The following ABT1 variants were observed in gnomAD, a reference collection of about 807,000 sequenced individuals.
ABT1 encodes TATA-binding protein-binding protein.
In ABT1, 13 loss-of-function variants were observed where a neutral mutation model predicts 14.0. That is an observed-to-expected ratio of 0.93 (90% CI 0.61 to 1.48). The LOEUF (loss-of-function observed/expected upper bound fraction) is 1.48, where lower values mean the gene tolerates loss of function less well. Among genes scored for constraint, ABT1 ranks in the 40% most tolerant of loss-of-function variants. The pLI is 0.00. For synonymous variants in ABT1, 165 were observed against 144.6 expected, an observed-to-expected ratio of 1.14 and a Z score of -1.01; for missense variants, 430 against 380.0, an observed-to-expected ratio of 1.13 and a Z score of -1.09.
chr6:26,597,250 A>C, intron 1 of ABT1, 27 bp downstream of exon 1: 1 of 1,606,316 alleles, frequency 6.2e-7, no homozygotes, highest in Non-Finnish European at 8.5e-7. Context: ...TGACGGTGAC[A>C]GGAGGAGGTT....
Position 26,597,997 on chromosome 6 carries a change from T to G in ABT1, c.325T>G (p.Trp109Gly). The change falls in exon 2 of 3, where the codon TGG becomes GGG. Residue 109 changes from tryptophan to glycine, a missense_variant. Transcript: ENST00000274849. Reference protein sequence around the residue: ...RSYTKDYTEGWVEFRDKRIAK... With the variant: ...RSYTKDYTEGGVEFRDKRIAK... ...CTACACCAAGGACTACACCGAGGGATGGGTGGAGTTCCGTGACAAGCGCAT... is the reference window on the plus strand; with the variant it reads ...CTACACCAAGGACTACACCGAGGGAGGGGTGGAGTTCCGTGACAAGCGCAT... The G allele has an allele frequency of 6.2e-7, 1 of 1,614,212 alleles. No individual in the cohort carries two copies. The highest frequency in any genetic ancestry group is 8.5e-7 in the Non-Finnish European group (1 of 1,180,038).
rs367868700 is a variant in ABT1, at chr6:26,598,449, C to G, written c.623C>G (p.Ser208Cys). The G allele has an allele frequency of 1.9e-4, 305 of 1,614,074 alleles. No homozygotes were observed. The highest frequency in any genetic ancestry group is 2.2e-4 in the Non-Finnish European group (265 of 1,180,038). The change falls in exon 3 of 3, where the codon TCC becomes TGC. Residue 208 changes from serine to cysteine, a missense_variant. Physicochemically the swap from Ser to Cys is moderately radical, Grantham distance 112. Coordinates refer to ENST00000274849, the MANE Select transcript of ABT1 (RefSeq NM_013375.4). ...ADGDPARPDG[S>C]WTFAQRPTEQ... ...GGGGACCCTGCTCGCCCAGATGGCT[C>G]CTGGACATTTGCCCAGCGTCCTACT...
Position 26,598,635 on chromosome 6 carries a change from G to C in ABT1, c.809G>C (p.Arg270Thr), listed in dbSNP as rs1554144849. ...SESMEGPSLVRDS is the reference protein window; with the variant it reads ...SESMEGPSLVTDS Reference sequence around the variant, plus strand: ...AGCATGGAGGGACCTTCCCTTGTCAGGGACTCCTGAGGGCCTGGGTGGCCC... The same window carrying C: ...AGCATGGAGGGACCTTCCCTTGTCACGGACTCCTGAGGGCCTGGGTGGCCC... Residue 270 changes from arginine to threonine, a missense_variant, in exon 3 of 3, where the codon AGG becomes ACG. Coordinates refer to ENST00000274849, the MANE Select transcript of ABT1 (RefSeq NM_013375.4). The C allele has an allele frequency of 4.5e-6, 7 of 1,560,974 alleles. No homozygotes were observed. Among genetic ancestry groups the C allele is most frequent in the Non-Finnish European group, 6.1e-6 (7 of 1,149,710 alleles).
chr6:26,600,339 TTAG>T lies in ABT1; in HGVS notation c.*1695_*1697del, dbSNP rs1202447204. 2.0e-5 allele frequency: 3 copies of T among 152,256 alleles called. No homozygotes were observed. Among genetic ancestry groups the T allele is most frequent in the African/African-American group, 7.2e-5 (3 of 41,456 alleles). The allele number at this position is 152,256 out of a possible 1,614,324, so 9.4% of individuals were successfully genotyped here. The stretch of plus-strand genomic sequence containing the variant: ...AACTTTCCCTCTAGTTGCTAACAGC[TTAG>T]AAAGTACAGTAGACATACTGGGGTT... On this transcript the variant is annotated 3_prime_UTR_variant, in exon 3 of 3. Transcript: ENST00000274849.
Position 26,599,574 on chromosome 6 carries a change from G to C in ABT1, c.*929G>C, listed in dbSNP as rs541873370. ...CCAGATCATTCCTACAAAGTAAACT[G>C]GGAGAATAATAAGTCTGAAAGAGTG... On this transcript the variant is annotated 3_prime_UTR_variant, in exon 3 of 3. Transcript: ENST00000274849. The C allele has an allele frequency of 6.6e-6, 1 of 152,270 alleles. No homozygotes were observed. Among genetic ancestry groups the C allele is most frequent in the Admixed American group, 6.5e-5 (1 of 15,288 alleles). 9.4% of individuals were successfully genotyped at this position (152,270 alleles called of 1,614,324 possible).
At position 26,598,529 on chromosome 6, in the gene ABT1, C is replaced by T. The variant is rs1554144825; in HGVS notation, c.703C>T (p.Arg235Cys). The change falls in exon 3 of 3, where the codon CGC (arginine) becomes TGC (cysteine). Residue 235 changes from arginine to cysteine, a missense_variant. Coordinates refer to ENST00000274849, the MANE Select transcript of ABT1 (RefSeq NM_013375.4). ...AARPGGRERARLATAQDKARS... is the reference protein window; with the variant it reads ...AARPGGRERACLATAQDKARS... ...ACGGCCAGGGGGACGTGAACGGGCT[C>T]GCCTGGCAACTGCCCAGGACAAGGC... is the stretch of plus-strand genomic sequence containing the variant. 1.9e-6 allele frequency: 3 copies of T among 1,613,698 alleles called. No homozygotes were observed. Among genetic ancestry groups the T allele is most frequent in the Non-Finnish European group, 2.5e-6 (3 of 1,179,798 alleles).
In ABT1 at chr6:26,600,148, C is replaced by A. The variant is rs1554144959; in HGVS notation, c.*1503C>A. 1 of 152,146 alleles carries A rather than the reference C, an allele frequency of 6.6e-6. No individual in the cohort carries two copies. Among genetic ancestry groups the A allele is most frequent in the African/African-American group, 2.4e-5 (1 of 41,426 alleles). 9.4% of individuals were successfully genotyped at this position (152,146 alleles called of 1,614,324 possible). A position where few individuals can be genotyped will look rare whatever the true frequency, so the allele number is the denominator to read the frequency against. ...TTTCGTCTTGTTTCTGTTTTTAATT[C>A]TTGTGGGTTTGTTTCATGTGAATTG... On this transcript the variant is annotated 3_prime_UTR_variant, in exon 3 of 3. Coordinates refer to ENST00000274849, the MANE Select transcript of ABT1 (RefSeq NM_013375.4).
chr6:26,598,798 C>A lies in ABT1; in HGVS notation c.*153C>A, dbSNP rs2113626521. ...AAACATGGAGTTTTGTGGGCTTCCA[C>A]TGTCCCCACTCCGAACTCCTGTATG... On this transcript the variant is annotated 3_prime_UTR_variant, in exon 3 of 3. Transcript: ENST00000274849. The A allele has an allele frequency of 2.0e-6, 2 of 998,088 alleles. No individual in the cohort carries two copies. Among genetic ancestry groups the A allele is most frequent in the Non-Finnish European group, 2.8e-6 (2 of 712,016 alleles). The allele number at this position is 998,088 out of a possible 1,614,324, so 61.8% of individuals were successfully genotyped here.
In ABT1 at chr6:26,597,174, C is replaced by G. The variant is rs1305015800; in HGVS notation, c.192C>G (p.Asn64Lys). Residue 64 changes from asparagine to lysine, a missense_variant, in exon 1 of 3, where the codon AAC (asparagine) becomes AAG (lysine). Asn to Lys is a moderately conservative substitution (Grantham distance 94). Transcript: ENST00000274849. Reference sequence around the variant, plus strand: ...GCTTCCGGCCCCTGCACGTCCGCAACCTTCTCAGCGCCTATGGCGAGGTCG... The same window carrying G: ...GCTTCCGGCCCCTGCACGTCCGCAAGCTTCTCAGCGCCTATGGCGAGGTCG... ...PPRFRPLHVR[N>K]LLSAYGEVGR... 1 of 1,614,272 alleles carries G rather than the reference C, an allele frequency of 6.2e-7. No individual in the cohort carries two copies. Among genetic ancestry groups the G allele is most frequent in the Non-Finnish European group, 8.5e-7 (1 of 1,180,056 alleles).
In ABT1 at chr6:26,597,118, G is replaced by C; in HGVS notation, c.136G>C (p.Gly46Arg). 1 of 1,614,144 alleles carries C rather than the reference G, an allele frequency of 6.2e-7. No homozygotes were observed. Among genetic ancestry groups the C allele is most frequent in the Non-Finnish European group, 8.5e-7 (1 of 1,180,000 alleles). Residue 46 changes from glycine to arginine, a missense_variant, in exon 1 of 3, where the codon GGT becomes CGT. Transcript: ENST00000274849. Reference protein sequence around the residue: ...ACGSKKRVVPGIVYLGHIPPR... With the variant: ...ACGSKKRVVPRIVYLGHIPPR... ...TGGCAGCAAGAAACGGGTAGTGCCA[G>C]GTATTGTGTACCTGGGCCATATCCC...
At position 26,597,072 on chromosome 6, in the gene ABT1, G is replaced by T. The variant is rs573455866; in HGVS notation, c.90G>T (p.Glu30Asp). The change falls in exon 1 of 3, where the codon GAG becomes GAT. Residue 30 changes from glutamate (E) to aspartate (D), a missense_variant. Transcript: ENST00000274849. ...EQTLDAEEEQEESEEAACGSK... is the reference protein window; with the variant it reads ...EQTLDAEEEQDESEEAACGSK... ...CACTAGATGCGGAGGAGGAGCAGGAGGAATCCGAAGAAGCGGCCTGTGGCA... is the reference window on the plus strand; with the variant it reads ...CACTAGATGCGGAGGAGGAGCAGGATGAATCCGAAGAAGCGGCCTGTGGCA... 6.2e-7 allele frequency: 1 copy of T among 1,614,076 alleles called. No homozygotes were observed. The highest frequency in any genetic ancestry group is 1.1e-5 in the South Asian group (1 of 91,066).
chr6:26,597,852 G>A (rs1561910008), intron 1 of ABT1, 62 bp from the exon 2 acceptor site: 1 of 1,495,814 alleles, frequency 6.7e-7, no homozygotes, highest in Non-Finnish European at 9.0e-7. Context: ...CGGGCAGTGG[G>A]AGGTGCTTTT....
Position 26,597,907 on chromosome 6 carries a change from C to A in ABT1, c.242-7C>A. The A allele has an allele frequency of 6.2e-7, 1 of 1,603,644 alleles. No homozygotes were observed. ...GTCCTGGACGGGTCTTTGTCTTTGG[C>A]GCGCAGACCGGTTCGTGAGACGCAA... On this transcript the variant is annotated splice_region_variant and splice_polypyrimidine_tract_variant and intron_variant, in intron 1 of 2. Coordinates refer to ENST00000274849, the MANE Select transcript of ABT1 (RefSeq NM_013375.4).
At position 26,597,047 on chromosome 6, in the gene ABT1, C is replaced by A; in HGVS notation, c.65C>A (p.Thr22Lys). Residue 22 changes from threonine (T) to lysine (K), a missense_variant, in exon 1 of 3, where the codon ACA (threonine) becomes AAA (lysine). Thr to Lys is a moderately conservative substitution (Grantham distance 78). Coordinates refer to ENST00000274849, the MANE Select transcript of ABT1 (RefSeq NM_013375.4). ...GAGCCGCTGGAAGGGACAGAACAGA[C>A]ACTAGATGCGGAGGAGGAGCAGGAG... ...EQEPLEGTEQ[T>K]LDAEEEQEES... 1 of 1,613,862 alleles carries A rather than the reference C, an allele frequency of 6.2e-7. No individual in the cohort carries two copies. Among genetic ancestry groups the A allele is most frequent in the South Asian group, 1.1e-5 (1 of 91,052 alleles).
At position 26,597,937 on chromosome 6, in the gene ABT1, A is replaced by G. The variant is rs1199443918; in HGVS notation, c.265A>G (p.Lys89Glu). The change falls in exon 2 of 3, where the codon AAG becomes GAG. Residue 89 changes from lysine (K) to glutamate (E), a missense_variant. Transcript: ENST00000274849. The part of the protein sequence containing the change: ...AEDRFVRRKK[K>E]AAAAAGGKKR... ...AGACCGGTTCGTGAGACGCAAGAAG[A>G]AGGCAGCAGCAGCTGCCGGAGGAAA... 1.2e-6 allele frequency: 2 copies of G among 1,613,086 alleles called. No individual in the cohort carries two copies. The highest frequency in any genetic ancestry group is 4.5e-5 in the East Asian group (2 of 44,828).
rs45568331 is a variant in ABT1 at position 26,599,504 on chromosome 6, T to G, written c.*859T>G. ...AGAGTCCTCTCAATGGGAACCTGAT[T>G]GATGATCACAGTCTTCAGTGGTGAG... is the stretch of plus-strand genomic sequence containing the variant. On this transcript the variant is annotated 3_prime_UTR_variant, in exon 3 of 3. Transcript: ENST00000274849. 0.081 allele frequency: 12,356 copies of G among 152,292 alleles called. 519 individuals carry two copies. The highest frequency in any genetic ancestry group is 0.11 in the Middle Eastern group (33 of 294). 9.4% of individuals were successfully genotyped at this position (152,292 alleles called of 1,614,324 possible).
rs782373630 is a variant in ABT1 at position 26,597,014 on chromosome 6, C to T, written c.32C>T (p.Thr11Met). The change falls in exon 1 of 3, where the codon ACG (threonine) becomes ATG (methionine). Residue 11 changes from threonine (T) to methionine (M), a missense_variant. Transcript: ENST00000274849. Reference protein sequence around the residue: MEAEESEKAATEQEPLEGTEQ... With the variant: MEAEESEKAAMEQEPLEGTEQ... The stretch of plus-strand genomic sequence containing the variant: ...GCAGAGGAATCGGAGAAGGCCGCAA[C>T]GGAGCAAGAGCCGCTGGAAGGGACA... 16 of 1,612,940 alleles carry T rather than the reference C, an allele frequency of 9.9e-6. No homozygotes were observed. Among genetic ancestry groups the T allele is most frequent in the Non-Finnish European group, 1.4e-5 (16 of 1,179,756 alleles).
Position 26,598,462 on chromosome 6 carries a change from C to G in ABT1, c.636C>G (p.Ala212=). Residue 212 remains alanine (A), a synonymous_variant, in exon 3 of 3, where the codon GCC becomes GCG. Coordinates refer to ENST00000274849, the MANE Select transcript of ABT1 (RefSeq NM_013375.4). ...PARPDGSWTF[A]QRPTEQELRA... ...GCCCAGATGGCTCCTGGACATTTGC[C>G]CAGCGTCCTACTGAGCAGGAACTGA... is the stretch of plus-strand genomic sequence containing the variant. 1 of 1,614,192 alleles carries G rather than the reference C, an allele frequency of 6.2e-7. No individual in the cohort carries two copies. The highest frequency in any genetic ancestry group is 1.3e-5 in the African/African-American group (1 of 75,052).
chr6:26,597,969 G>A lies in ABT1; in HGVS notation c.297G>A (p.Arg99=), dbSNP rs1764925214. ...KAAAAAGGKK[R]SYTKDYTEGW... Reference sequence around the variant, plus strand: ...CAGCAGCTGCCGGAGGAAAAAAGCGGTCCTACACCAAGGACTACACCGAGG... The same window carrying A: ...CAGCAGCTGCCGGAGGAAAAAAGCGATCCTACACCAAGGACTACACCGAGG... Residue 99 remains arginine, a synonymous_variant, in exon 2 of 3, where the codon CGG becomes CGA. Transcript: ENST00000274849. 1.2e-6 allele frequency: 2 copies of A among 1,614,074 alleles called. No individual in the cohort carries two copies.
Sources: gnomAD v4.1 joint callset for allele counts on GRCh38, gnomAD v4.1.1 for gene constraint, MANE v1.5 for transcripts, NCBI Gene and HGNC (gene_info 2026-07-23, HGNC 2026-07-21) for gene names.